WWOX: variants seen among roughly 807,000 people sequenced by gnomAD.
WWOX encodes WW domain-containing oxidoreductase.
A neutral mutation model predicts 46.2 loss-of-function variants in WWOX; 69 were observed. That is an observed-to-expected ratio of 1.49 (90% CI 1.23 to 1.82). The LOEUF is 1.82. Among genes scored for constraint, WWOX ranks in the 40% most tolerant of loss-of-function variants. The probability of loss-of-function intolerance (pLI) is 0.00; values close to 1 mark genes in which losing one functional copy is unlikely to be tolerated. For missense variants in WWOX, 919 were observed against 542.6 expected (o/e 1.69, Z -6.89); for synonymous variants, 359 against 202.6 (o/e 1.77, Z -6.56).
chr16:78,217,043 AG>A (rs767936557), intron 5 of WWOX, among the ~76,000 whole-genome samples: 5 of 152,170 alleles, frequency 3.3e-5, no homozygotes, highest in Non-Finnish European at 1.5e-5. Flanking sequence ...TTTTAATGCG[AG>A]GTAATTAACA....
At chr16:78,670,025 C>A (rs2047422963) in intron 8 of WWOX, among the ~76,000 whole-genome samples, 1 of 152,114 alleles carries the variant, frequency 6.6e-6, no homozygotes, top group South Asian at 2.1e-4. Flanking sequence ...TTTTCTTTTT[C>A]CTCCAGAGGC....
intron 8 of WWOX, among the ~76,000 whole-genome samples, chr16:78,885,391 A>T (rs948321130): frequency 6.6e-6 from 1 of 152,204 alleles, no homozygotes; most frequent in African/African-American, 2.4e-5. Context: ...CTGAGACCAC[A>T]ACAGTCAGAT....
intron 5 of WWOX, among the ~76,000 whole-genome samples, chr16:78,321,810 C>G (rs1033079454): frequency 6.6e-6 from 1 of 152,150 alleles, no homozygotes; most frequent in African/African-American, 2.4e-5. Flanking sequence ...GTTTCCAGCA[C>G]AGCTCTAAAG....
At chr16:78,611,549 C>A (rs920385683) in intron 8 of WWOX, among the ~76,000 whole-genome samples, 7 of 152,144 alleles carry the variant, frequency 4.6e-5, no homozygotes, top group Non-Finnish European at 5.9e-5. Context: ...CTCTGTATGG[C>A]CAGTACTGCC....
chr16:78,435,921 C>G (rs1403584705), intron 8 of WWOX, among the ~76,000 whole-genome samples: 1 of 152,190 alleles, frequency 6.6e-6, no homozygotes, highest in African/African-American at 2.4e-5. Flanking sequence ...TAATCTGGCT[C>G]TCCAGTATGG....
Position 78,147,683 on chromosome 16 carries a change from T to TGTTTTTTG in WWOX, c.410-16500_410-16499insGTTTTTTG, listed in dbSNP as rs71384364. 2.3e-4 allele frequency among the ~76,000 whole-genome samples: 25 copies of TGTTTTTTG among 109,752 alleles called. 1 individual carries two copies. In the South Asian group the frequency reaches 3.8e-3, roughly 17 times the overall value. 72.0% of individuals were successfully genotyped at this position (109,752 alleles called of 152,430 possible). A position where few individuals can be genotyped will look rare whatever the true frequency, so the allele number is the denominator to read the frequency against. ...TTTCTTTTTCTTTCTTCCTTTTTTT[T>TGTTTTTTG]TTTTTTTTTTTTTAAAAAAAAAAAA... On this transcript the variant is annotated intron_variant, in intron 4 of 8. Transcript: ENST00000566780.
At chr16:78,697,022 C>G (rs1056193468) in intron 8 of WWOX, among the ~76,000 whole-genome samples, 1 of 152,156 alleles carries the variant, frequency 6.6e-6, no homozygotes. Context: ...GAGTAGTATT[C>G]CATTGTATAT....
chr16:78,726,077 C>CCCTCCCTCTTCCTCCCTCCCTCCCTT (rs2048825343), intron 8 of WWOX, among the ~76,000 whole-genome samples: 1 of 137,096 alleles, frequency 7.3e-6, no homozygotes, highest in Admixed American at 7.3e-5. Flanking sequence ...TCCCTTCCCT[C>CCCTCCCTCTTCCTCCCTCCCTCCCTT]CCTCCCTCTT....
At chr16:78,404,369 A>AGGGTTTGGGG (rs1420404310) in intron 6 of WWOX, among the ~76,000 whole-genome samples, 175 of 152,150 alleles carry the variant, frequency 1.2e-3, no homozygotes, top group Non-Finnish European at 1.9e-3. Flanking sequence ...TTCAGATACC[A>AGGGTTTGGGG]CCTCTATCCT....
At chr16:78,800,406 G>T (rs62038635) in intron 8 of WWOX, among the ~76,000 whole-genome samples, 3 of 152,124 alleles carry the variant, frequency 2.0e-5, no homozygotes, top group Non-Finnish European at 4.4e-5. Context: ...TATAATATCT[G>T]CAGGCTATGA....
chr16:79,115,239 C>G (rs1382215610), intron 8 of WWOX, among the ~76,000 whole-genome samples: 1 of 152,214 alleles, frequency 6.6e-6, no homozygotes, highest in Non-Finnish European at 1.5e-5. Flanking sequence ...TTCTCTCTAA[C>G]AATCAATGGA....
chr16:78,233,587 C>T (rs1002949600), intron 5 of WWOX, among the ~76,000 whole-genome samples: 5 of 144,862 alleles, frequency 3.5e-5, no homozygotes, highest in African/African-American at 1.1e-4. Flanking sequence ...AGTGCACTAT[C>T]GCGATCTCGG....
At chr16:78,357,174 T>C (rs975428418) in intron 5 of WWOX, among the ~76,000 whole-genome samples, 1 of 152,168 alleles carries the variant, frequency 6.6e-6, no homozygotes, top group Non-Finnish European at 1.5e-5. Flanking sequence ...GTTCCTGATG[T>C]TTGAGAGTAC....
chr16:78,444,764 T>G (rs1013089899), intron 8 of WWOX, among the ~76,000 whole-genome samples: 13 of 151,990 alleles, frequency 8.6e-5, no homozygotes, highest in Non-Finnish European at 1.9e-4. Flanking sequence ...TCTCCTGACC[T>G]CATGATCCAC....
chr16:79,051,675 C>G (rs2048170099), intron 8 of WWOX, among the ~76,000 whole-genome samples: 1 of 152,232 alleles, frequency 6.6e-6, no homozygotes, highest in Admixed American at 6.5e-5. Flanking sequence ...TTGATTTGCA[C>G]TGTTTCACTT....
chr16:78,570,913 A>T (rs1037958713), intron 8 of WWOX, among the ~76,000 whole-genome samples: 1 of 152,180 alleles, frequency 6.6e-6, no homozygotes, highest in Non-Finnish European at 1.5e-5. Context: ...TGGCAGTGTG[A>T]ATAGCCAGGG....
chr16:78,392,022 T>G (rs2082184770), intron 6 of WWOX, among the ~76,000 whole-genome samples: 1 of 151,680 alleles, frequency 6.6e-6, no homozygotes, highest in African/African-American at 2.4e-5. Context: ...TAAAAAAATT[T>G]CTTTTAATGC....
chr16:78,554,108 C>T (rs1030957265), intron 8 of WWOX, among the ~76,000 whole-genome samples: 10 of 152,136 alleles, frequency 6.6e-5, no homozygotes, highest in African/African-American at 2.4e-4. Flanking sequence ...AACCATGTGG[C>T]ACCCCTTCCC....
intron 8 of WWOX, among the ~76,000 whole-genome samples, chr16:78,723,108 T>C (rs1306475652): frequency 2.6e-5 from 4 of 152,178 alleles, no homozygotes; most frequent in East Asian, 3.9e-4. Context: ...TTAAGGCTGA[T>C]TGAGTAAAAG....
Sources: allele counts gnomAD v4.1 joint callset (sites outside exome capture counted in the v4.1 genomes callset), GRCh38; gene constraint gnomAD v4.1.1; transcripts MANE v1.5; gene names NCBI Gene and HGNC (gene_info 2026-07-23, HGNC 2026-07-21).